OSBPL1A: variants seen among roughly 807,000 people sequenced by gnomAD.
OSBPL1A encodes oxysterol-binding protein-related protein 1.
Under a neutral mutation model 137.1 loss-of-function variants are expected in OSBPL1A, and 80 were observed. That is an observed-to-expected ratio of 0.58 (90% CI 0.49 to 0.70). The LOEUF is 0.70. OSBPL1A is among the 30% of genes least tolerant of loss of function. The pLI is 0.00. For missense variants in OSBPL1A, 970 were observed against 1,129.4 expected, an observed-to-expected ratio of 0.86 and a Z score of 2.02; for synonymous variants, 365 against 389.7, an observed-to-expected ratio of 0.94 and a Z score of 0.75.
At chr18:24,393,992 GAC>G (rs1907555339) in intron 1 of OSBPL1A, among the ~76,000 whole-genome samples, 1 of 151,890 alleles carries the variant, frequency 6.6e-6, no homozygotes, top group African/African-American at 2.4e-5. Flanking sequence ...TAAGTTATAA[GAC>G]AAAATTTTAA....
At chr18:24,201,681 T>C (rs527261754) in intron 17 of OSBPL1A, among the ~76,000 whole-genome samples, 1 of 152,188 alleles carries the variant, frequency 6.6e-6, no homozygotes, top group South Asian at 2.1e-4. Context: ...GAGAATCACT[T>C]GAACCCAGGA....
chr18:24,328,848 C>T lies in OSBPL1A; in HGVS notation c.625+4094G>A, dbSNP rs114914911. On this transcript the variant is annotated intron_variant, in intron 7 of 27. Transcript: ENST00000319481. ...GAATGTAAGATCTCACTGATAATTA[C>T]TGTTTACCGATTATATGTTGAAATG... is the stretch of plus-strand genomic sequence containing the variant. Among the ~76,000 whole-genome samples, 867 of 152,282 alleles carry T rather than the reference C, an allele frequency of 5.7e-3. 5 individuals carry two copies. The highest frequency in any genetic ancestry group is 0.015 in the South Asian group (72 of 4,816).
chr18:24,243,329 C>T (rs1599552588), intron 15 of OSBPL1A, among the ~76,000 whole-genome samples: 1 of 152,198 alleles, frequency 6.6e-6, no homozygotes, highest in Non-Finnish European at 1.5e-5. Flanking sequence ...TTTGTAGATT[C>T]TAAAATCAAC....
chr18:24,202,356 T>C (rs1057260604), intron 17 of OSBPL1A, among the ~76,000 whole-genome samples: 2 of 152,246 alleles, frequency 1.3e-5, no homozygotes, highest in African/African-American at 4.8e-5. Context: ...TGTCAGTTTT[T>C]AAGAATTTTT....
chr18:24,163,158 A>G lies in OSBPL1A; in HGVS notation c.*21T>C. 5 of 1,551,036 alleles carry G rather than the reference A, an allele frequency of 3.2e-6. No individual in the cohort carries two copies. The highest frequency in any genetic ancestry group is 4.4e-6 in the Non-Finnish European group (5 of 1,128,154). ...TAAGACTTATTTGTAGATTAGCCAA[A>G]CACCCTGACTTGTATGCATTTTAAT... On this transcript the variant is annotated 3_prime_UTR_variant, in exon 28 of 28. Coordinates refer to ENST00000319481, the MANE Select transcript of OSBPL1A (RefSeq NM_080597.4).
chr18:24,371,394 A>C (rs1905623681), intron 2 of OSBPL1A, among the ~76,000 whole-genome samples: 1 of 152,156 alleles, frequency 6.6e-6, no homozygotes. Flanking sequence ...AACAGCTTTC[A>C]TAGAATTCCC....
intron 17 of OSBPL1A, among the ~76,000 whole-genome samples, chr18:24,204,558 C>CA (rs1567943575): frequency 7.0e-6 from 1 of 143,250 alleles, no homozygotes; most frequent in African/African-American, 2.6e-5. Context: ...AAAGCTGTTT[C>CA]TTTTTTTTTT....
chr18:24,388,265 G>T (rs1047048950), intron 1 of OSBPL1A, among the ~76,000 whole-genome samples: 5 of 152,062 alleles, frequency 3.3e-5, no homozygotes. Context: ...CAAGTGCCTC[G>T]TGTCTATTCT....
At chr18:24,192,573 G>A (rs2086915590) in intron 18 of OSBPL1A, among the ~76,000 whole-genome samples, 1 of 152,178 alleles carries the variant, frequency 6.6e-6, no homozygotes, top group Non-Finnish European at 1.5e-5. Flanking sequence ...AAAGAAGGAT[G>A]TCATCAGTAT....
intron 17 of OSBPL1A, among the ~76,000 whole-genome samples, chr18:24,205,852 G>T (rs1479599975): frequency 6.6e-6 from 1 of 152,152 alleles, no homozygotes; most frequent in Non-Finnish European, 1.5e-5. Flanking sequence ...AAATGAAATG[G>T]TTTTCACCAC....
chr18:24,250,161 TG>T (rs34095351), intron 15 of OSBPL1A, among the ~76,000 whole-genome samples: 3 of 53,226 alleles, frequency 5.6e-5, no homozygotes, highest in Non-Finnish European at 8.1e-5. Context: ...TGTTTTTGTT[TG>T]TTTGTTTGTT....
At chr18:24,358,191 C>T in intron 4 of OSBPL1A, 1 of 469,840 alleles carries the variant, frequency 2.1e-6, no homozygotes, top group Admixed American at 3.8e-5. Context: ...GCAGCAACTC[C>T]AGCCTAAGAA....
chr18:24,321,092 C>T (rs1353207485), intron 7 of OSBPL1A, among the ~76,000 whole-genome samples: 2 of 150,856 alleles, frequency 1.3e-5, no homozygotes, highest in East Asian at 3.9e-4. Flanking sequence ...CAAACTTTGG[C>T]AGTTCCATGA....
At chr18:24,239,193 A>C in intron 16 of OSBPL1A, 27 bp downstream of exon 16, 1 of 1,609,646 alleles carries the variant, frequency 6.2e-7, no homozygotes. Context: ...ATCACCAACA[A>C]TGCAGAGGGA....
chr18:24,203,208 C>T (rs140602501), intron 17 of OSBPL1A, among the ~76,000 whole-genome samples: 3 of 152,160 alleles, frequency 2.0e-5, no homozygotes, highest in Non-Finnish European at 4.4e-5. Flanking sequence ...AACTCCTGAC[C>T]GCAGGTGATC....
chr18:24,164,243 A>T (rs1419324107), intron 27 of OSBPL1A, among the ~76,000 whole-genome samples: 5 of 152,132 alleles, frequency 3.3e-5, no homozygotes. Flanking sequence ...GTTCAACATC[A>T]CTAATTATGA....
intron 17 of OSBPL1A, among the ~76,000 whole-genome samples, chr18:24,199,595 AT>A (rs2087153482): frequency 1.3e-5 from 2 of 152,148 alleles, no homozygotes; most frequent in Non-Finnish European, 2.9e-5. Flanking sequence ...GAGTTTAAGT[AT>A]TTGTGGCAGA....
At chr18:24,235,832 A>T (rs991526464) in intron 16 of OSBPL1A, among the ~76,000 whole-genome samples, 1 of 152,214 alleles carries the variant, frequency 6.6e-6, no homozygotes, top group Non-Finnish European at 1.5e-5. Flanking sequence ...TTCATTAATA[A>T]AAGGGACTTT....
At chr18:24,329,279 G>A (rs1323813272) in intron 7 of OSBPL1A, among the ~76,000 whole-genome samples, 1 of 152,136 alleles carries the variant, frequency 6.6e-6, no homozygotes, top group Admixed American at 6.6e-5. Context: ...ATTAGGTGCA[G>A]TGGCTCCCAC....
Sources: allele counts gnomAD v4.1 joint callset (sites outside exome capture counted in the v4.1 genomes callset), GRCh38; gene constraint gnomAD v4.1.1; transcripts MANE v1.5; gene names NCBI Gene and HGNC (gene_info 2026-07-23, HGNC 2026-07-21).